SORCS3: variants seen among roughly 807,000 people sequenced by gnomAD.
The protein encoded by SORCS3 is VPS10 domain-containing receptor SorCS3.
In SORCS3, 57 loss-of-function variants were observed where a neutral mutation model predicts 146.3. The observed-to-expected ratio is 0.39, with a 90% CI of 0.31 to 0.49. SORCS3 has a LOEUF of 0.49. Ranked by LOEUF, SORCS3 falls within the 20% of genes least tolerant of loss-of-function variation. SORCS3 has a pLI of 0.92. For synonymous variants in SORCS3, 653 were observed against 618.5 expected (o/e 1.06, Z -0.83); for missense variants, 1,341 against 1,575.5 (o/e 0.85, Z 2.52).
chr10:104,988,214 C>A (rs923205151), intron 4 of SORCS3, among the ~76,000 whole-genome samples: 3 of 152,190 alleles, frequency 2.0e-5, no homozygotes, highest in Non-Finnish European at 4.4e-5. Context: ...CCACACCCCA[C>A]TCTTCCTGGT....
chr10:104,838,506 C>A (rs1173035037), intron 1 of SORCS3, among the ~76,000 whole-genome samples: 2 of 152,142 alleles, frequency 1.3e-5, no homozygotes, highest in Non-Finnish European at 2.9e-5. Context: ...CTCTTCATGG[C>A]TCTATTAATA....
intron 19 of SORCS3, among the ~76,000 whole-genome samples, chr10:105,221,635 C>G (rs2056703014): frequency 1.3e-5 from 2 of 152,092 alleles, no homozygotes; most frequent in South Asian, 4.2e-4. Flanking sequence ...GTTTTCTTCC[C>G]TTTGAACTGA....
In SORCS3 at chr10:105,214,504, C is replaced by T. The variant is rs777836237; in HGVS notation, c.2438C>T (p.Ala813Val). Residue 813 changes from alanine (A) to valine (V), a missense_variant, in exon 18 of 27, where the codon GCC becomes GTC. Physicochemically the swap from Ala to Val is moderately conservative, Grantham distance 64. Transcript: ENST00000369701. ...DGLREKYTAKAQMCPGKAPRG... is the reference protein window; with the variant it reads ...DGLREKYTAKVQMCPGKAPRG... Reference sequence around the variant, plus strand: ...CTAAGGGAGAAGTACACCGCCAAGGCCCAGATGTGCCCTGGAAAAGCCCCT... The same window carrying T: ...CTAAGGGAGAAGTACACCGCCAAGGTCCAGATGTGCCCTGGAAAAGCCCCT... 4.3e-6 allele frequency: 7 copies of T among 1,614,136 alleles called. No homozygotes were observed. The highest frequency in any genetic ancestry group is 5.9e-6 in the Non-Finnish European group (7 of 1,180,018).
chr10:105,143,192 G>T (rs1487255588), intron 8 of SORCS3, among the ~76,000 whole-genome samples: 1 of 151,978 alleles, frequency 6.6e-6, no homozygotes, highest in Non-Finnish European at 1.5e-5. Context: ...CACCATTCTG[G>T]AACATTTGAT....
chr10:104,712,069 C>G (rs536330827), intron 1 of SORCS3, among the ~76,000 whole-genome samples: 2 of 152,280 alleles, frequency 1.3e-5, no homozygotes, highest in Non-Finnish European at 2.9e-5. Flanking sequence ...TTCCTACTCT[C>G]GTGATTCTTC....
chr10:104,800,988 A>C (rs1469152963), intron 1 of SORCS3, among the ~76,000 whole-genome samples: 1 of 152,206 alleles, frequency 6.6e-6, no homozygotes, highest in Non-Finnish European at 1.5e-5. Flanking sequence ...GTCAGCACTG[A>C]GTCTTCCTTC....
chr10:105,167,213 T>C (rs1365933898), intron 12 of SORCS3, 45 bp from the exon 13 acceptor site: 1 of 1,449,836 alleles, frequency 6.9e-7, no homozygotes, highest in Non-Finnish European at 9.7e-7. Flanking sequence ...ACTATGCAAA[T>C]GTAAGGTGTT....
chr10:104,832,667 A>G (rs936272398), intron 1 of SORCS3, among the ~76,000 whole-genome samples: 1 of 152,190 alleles, frequency 6.6e-6, no homozygotes, highest in Non-Finnish European at 1.5e-5. Context: ...GCAGTGAGCC[A>G]AGACAGGGCC....
chr10:105,096,050 C>T (rs2055743670), intron 6 of SORCS3, among the ~76,000 whole-genome samples: 1 of 151,792 alleles, frequency 6.6e-6, no homozygotes, highest in Non-Finnish European at 1.5e-5. Flanking sequence ...GAACACTCTT[C>T]AGGTATAGAA....
intron 1 of SORCS3, among the ~76,000 whole-genome samples, chr10:104,707,244 G>C (rs1219909269): frequency 1.3e-5 from 2 of 152,110 alleles, no homozygotes; most frequent in African/African-American, 4.8e-5. Context: ...AGTGTTTCAT[G>C]GTTTAGTCCA....
In SORCS3 at chr10:104,752,878, G is replaced by A. The variant is rs148295113; in HGVS notation, c.628-89914G>A. Among the ~76,000 whole-genome samples, 156 of 152,094 alleles carry A rather than the reference G, an allele frequency of 1.0e-3. 3 individuals carry two copies. In the South Asian group the frequency reaches 0.011, roughly 10 times the overall value. ...AAATGCCTGTAGACAGATTTTTATC[G>A]TTGGTTATTCAACAACCTTGGAAAG... On this transcript the variant is annotated intron_variant, in intron 1 of 26. Transcript: ENST00000369701.
intron 3 of SORCS3, among the ~76,000 whole-genome samples, chr10:104,928,132 G>A (rs934365516): frequency 6.6e-6 from 1 of 152,090 alleles, no homozygotes; most frequent in Non-Finnish European, 1.5e-5. Context: ...AATAGGGTAC[G>A]ACTAGATATT....
At chr10:105,149,290 A>G (rs1373183691) in intron 9 of SORCS3, among the ~76,000 whole-genome samples, 1 of 152,146 alleles carries the variant, frequency 6.6e-6, no homozygotes, top group Non-Finnish European at 1.5e-5. Context: ...ATGAATGTAC[A>G]TTTTAAAAGA....
intron 1 of SORCS3, among the ~76,000 whole-genome samples, chr10:104,818,170 A>G (rs1443501902): frequency 6.6e-6 from 1 of 151,630 alleles, no homozygotes; most frequent in Non-Finnish European, 1.5e-5. Context: ...ACCTCCCCTC[A>G]CTTCTTTCTG....
chr10:104,752,968 A>G (rs1331604887), intron 1 of SORCS3, among the ~76,000 whole-genome samples: 2 of 122,966 alleles, frequency 1.6e-5, no homozygotes, highest in South Asian at 4.5e-4. Flanking sequence ...CAACCAACCA[A>G]ACAAACAAAC....
chr10:105,053,580 C>T (rs1026270800), intron 5 of SORCS3, among the ~76,000 whole-genome samples: 5 of 151,692 alleles, frequency 3.3e-5, no homozygotes, highest in Admixed American at 1.3e-4. Context: ...AGCCTTTTTT[C>T]CCTATTATAA....
At chr10:104,762,261 G>C (rs2017129827) in intron 1 of SORCS3, among the ~76,000 whole-genome samples, 1 of 152,184 alleles carries the variant, frequency 6.6e-6, no homozygotes. Context: ...TGGTGTGCTG[G>C]TCAATGTTCT....
intron 6 of SORCS3, among the ~76,000 whole-genome samples, chr10:105,090,981 A>AC (rs2055697913): frequency 6.6e-6 from 1 of 152,068 alleles, no homozygotes; most frequent in Admixed American, 6.6e-5. Context: ...CATTTGGGGG[A>AC]ATATGTTTTA....
At chr10:104,839,225 C>A (rs753153612) in intron 1 of SORCS3, among the ~76,000 whole-genome samples, 1 of 152,168 alleles carries the variant, frequency 6.6e-6, no homozygotes. Context: ...ACTCATGTAA[C>A]GTTCAGAAAC....
Sources: gnomAD v4.1 joint callset for allele counts (sites outside exome capture counted in the v4.1 genomes callset) on GRCh38, gnomAD v4.1.1 for gene constraint, MANE v1.5 for transcripts, NCBI Gene and HGNC (gene_info 2026-07-23, HGNC 2026-07-21) for gene names.